Variants in ADAM29 observed in about 807,000 individuals in gnomAD.
ADAM29 encodes disintegrin and metalloproteinase domain-containing protein 29.
For synonymous variants in ADAM29, 367 were observed against 342.3 expected (o/e 1.07, Z -0.80); for missense variants, 969 against 1,001.8 (o/e 0.97, Z 0.44).
Position 174,976,664 on chromosome 4 carries a change from A to C in ADAM29, c.1139A>C (p.Glu380Ala), listed in dbSNP as rs773202528. 6.2e-7 allele frequency: 1 copy of C among 1,613,976 alleles called. No individual in the cohort carries two copies. The highest frequency in any genetic ancestry group is 8.5e-7 in the Non-Finnish European group (1 of 1,179,942). Reference sequence around the variant, plus strand: ...GGTGATTTTTGGGAATATACTGTAGAGAGGACAAAGTGTTTGCTTGAAACA... The same window carrying C: ...GGTGATTTTTGGGAATATACTGTAGCGAGGACAAAGTGTTTGCTTGAAACA... ...SYGDFWEYTV[E>A]RTKCLLETVH... Residue 380 changes from glutamate (E) to alanine (A), a missense_variant, in exon 5 of 5, where the codon GAG (glutamate) becomes GCG (alanine). By Grantham distance (107) the Glu-to-Ala change is moderately radical (BLOSUM62 -1). Coordinates refer to ENST00000359240, the MANE Select transcript of ADAM29 (RefSeq NM_014269.4).
chr4:174,974,149 A>G (rs966524815), intron 4 of ADAM29, among the ~76,000 whole-genome samples: 1 of 152,226 alleles, frequency 6.6e-6, no homozygotes, highest in Non-Finnish European at 1.5e-5. Flanking sequence ...ACTGTGGGTG[A>G]ATCAACACAC....
At chr4:174,932,599 T>C (rs891435771) in intron 3 of ADAM29, among the ~76,000 whole-genome samples, 5 of 152,170 alleles carry the variant, frequency 3.3e-5, no homozygotes, top group Non-Finnish European at 5.9e-5. Flanking sequence ...GGGGTTTAAG[T>C]TTCAACATAT....
intron 4 of ADAM29, among the ~76,000 whole-genome samples, chr4:174,960,694 C>T (rs972633487): frequency 2.6e-5 from 4 of 152,242 alleles, no homozygotes; most frequent in South Asian, 2.1e-4. Context: ...CTATCTTTCT[C>T]GTGCATTTTG....
chr4:174,952,301 C>A (rs1034896042), intron 4 of ADAM29, among the ~76,000 whole-genome samples: 2 of 151,770 alleles, frequency 1.3e-5, no homozygotes, highest in Non-Finnish European at 2.9e-5. Context: ...ACAAGTCACA[C>A]ATGTCTCTCC....
chr4:174,952,262 A>T (rs755732562), intron 4 of ADAM29, among the ~76,000 whole-genome samples: 5 of 151,838 alleles, frequency 3.3e-5, no homozygotes, highest in African/African-American at 9.7e-5. Flanking sequence ...CTCTATTCCT[A>T]GCTGCTGCGA....
rs147592842 is a variant in ADAM29 at position 174,954,093 on chromosome 4, C to T, written c.-181+17080C>T. On this transcript the variant is annotated intron_variant, in intron 4 of 4. Coordinates refer to ENST00000359240, the MANE Select transcript of ADAM29 (RefSeq NM_014269.4). The stretch of plus-strand genomic sequence containing the variant: ...ACTTTCCCTCATTTTCAAAATCCAC[C>T]TTAAAATAAAAATCCTCACAATGGA... Among the ~76,000 whole-genome samples, 1,264 of 152,274 alleles carry T rather than the reference C, an allele frequency of 8.3e-3. 21 individuals carry two copies. The highest frequency in any genetic ancestry group is 0.027 in the African/African-American group (1,135 of 41,562).
intron 4 of ADAM29, among the ~76,000 whole-genome samples, chr4:174,964,682 C>T (rs1170890753): frequency 6.6e-6 from 1 of 151,956 alleles, no homozygotes; most frequent in African/African-American, 2.4e-5. Context: ...TACAGTATTG[C>T]ACCTTGTTAA....
intron 4 of ADAM29, among the ~76,000 whole-genome samples, chr4:174,958,885 T>A (rs1044199435): frequency 6.6e-6 from 1 of 151,882 alleles, no homozygotes; most frequent in Admixed American, 6.6e-5. Flanking sequence ...GTAGCATAGG[T>A]ACCTTGTAAC....
chr4:174,924,274 A>G (rs1380770127), intron 2 of ADAM29, among the ~76,000 whole-genome samples: 1 of 152,228 alleles, frequency 6.6e-6, no homozygotes, highest in Admixed American at 6.5e-5. Flanking sequence ...ATTGCAAATT[A>G]AGACAAAATG....
At chr4:174,962,278 G>A (rs189737088) in intron 4 of ADAM29, among the ~76,000 whole-genome samples, 6 of 152,176 alleles carry the variant, frequency 3.9e-5, no homozygotes, top group African/African-American at 1.2e-4. Flanking sequence ...TTGGGAGGCC[G>A]GGGCGGGCAG....
intron 4 of ADAM29, among the ~76,000 whole-genome samples, chr4:174,948,012 T>A (rs1015515535): frequency 8.5e-5 from 13 of 152,332 alleles, no homozygotes; most frequent in African/African-American, 2.9e-4. Flanking sequence ...GTGTTCCAGG[T>A]GTATCAGATC....
chr4:174,973,739 A>C (rs1180991120), intron 4 of ADAM29, among the ~76,000 whole-genome samples: 1 of 152,202 alleles, frequency 6.6e-6, no homozygotes, highest in Non-Finnish European at 1.5e-5. Context: ...GTTTCAGCTC[A>C]ATCATTGCTG....
At chr4:174,967,108 A>G (rs1746198984) in intron 4 of ADAM29, among the ~76,000 whole-genome samples, 2 of 152,208 alleles carry the variant, frequency 1.3e-5, no homozygotes, top group Non-Finnish European at 2.9e-5. Flanking sequence ...TTCTAAGATA[A>G]TTCAATAGAA....
chr4:174,935,487 A>C (rs1292635304), intron 3 of ADAM29, among the ~76,000 whole-genome samples: 1 of 151,998 alleles, frequency 6.6e-6, no homozygotes, highest in Non-Finnish European at 1.5e-5. Context: ...CTACTACCCC[A>C]TTCATAGTGA....
intron 4 of ADAM29, among the ~76,000 whole-genome samples, chr4:174,966,009 C>T (rs1746138694): frequency 6.6e-6 from 1 of 152,148 alleles, no homozygotes. Context: ...TCGCAGATAC[C>T]AAAACCCAGA....
In ADAM29 at chr4:174,961,510, G is replaced by A. The variant is rs944998866; in HGVS notation, c.-180-13836G>A. On this transcript the variant is annotated intron_variant, in intron 4 of 4. Transcript: ENST00000359240. The stretch of plus-strand genomic sequence containing the variant: ...TTCTAATGCTTTTAGTAATCATTTC[G>A]TGCTCATTAGTACAAATGAGAAAGA... 7.9e-5 allele frequency among the ~76,000 whole-genome samples: 12 copies of A among 151,864 alleles called. No individual in the cohort carries two copies. The East Asian group carries it at 1.2e-3, about 15-fold the overall frequency.
At position 174,975,538 on chromosome 4, in the gene ADAM29, C is replaced by G. The variant is rs762912563; in HGVS notation, c.13C>G (p.Leu5Val). 3 of 1,511,150 alleles carry G rather than the reference C, an allele frequency of 2.0e-6. No individual in the cohort carries two copies. In the Admixed American group the frequency reaches 6.9e-5, roughly 35 times the overall value. 93.6% of individuals were successfully genotyped at this position (1,511,150 alleles called of 1,614,324 possible). A position where few individuals can be genotyped will look rare whatever the true frequency, so the allele number is the denominator to read the frequency against. The change falls in exon 5 of 5, where the codon CTC (leucine) becomes GTC (valine). Residue 5 changes from leucine (L) to valine (V), a missense_variant. Transcript: ENST00000359240. MKML[L>V]LLHCLGVFLS... The stretch of plus-strand genomic sequence containing the variant: ...AGCCTTTTTGAACATGAAGATGTTA[C>G]TCCTGCTGCATTGCCTTGGGGTGTT...
chr4:174,976,816 C>CT lies in ADAM29; in HGVS notation c.1292dup (p.Thr432AspfsTer2), dbSNP rs1746844836. On this transcript the variant is annotated frameshift_variant, in exon 5 of 5. Transcript: ENST00000359240. LOFTEE classifies it low-confidence loss of function (END_TRUNC). The stretch of plus-strand genomic sequence containing the variant: ...TCCCTGCTGTCTGTCAAATTGCACT[C>CT]TGACTGATGGTTCTACTTGTGCTTT... 1 of 1,614,060 alleles carries CT rather than the reference C, an allele frequency of 6.2e-7. No homozygotes were observed. The highest frequency in any genetic ancestry group is 1.3e-5 in the African/African-American group (1 of 74,918).
At chr4:174,969,151 C>T (rs1426882378) in intron 4 of ADAM29, among the ~76,000 whole-genome samples, 4 of 151,246 alleles carry the variant, frequency 2.6e-5, no homozygotes, top group Non-Finnish European at 5.9e-5. Context: ...CTTCATTTTT[C>T]TTTTATTTAT....
Sources: allele counts gnomAD v4.1 joint callset (sites outside exome capture counted in the v4.1 genomes callset), GRCh38; gene constraint gnomAD v4.1.1; transcripts MANE v1.5; gene names NCBI Gene and HGNC (gene_info 2026-07-23, HGNC 2026-07-21).